The following MBTPS1 variants were observed in gnomAD, a reference collection of about 807,000 sequenced individuals.
The protein encoded by MBTPS1 is membrane-bound transcription factor site-1 protease.
A neutral mutation model predicts 127.8 loss-of-function variants in MBTPS1; 94 were observed. The observed-to-expected ratio is 0.74, with a 90% CI of 0.62 to 0.87. MBTPS1 has a LOEUF of 0.87. Among genes scored for constraint, MBTPS1 ranks in the 40% least tolerant of loss-of-function variants. The probability of loss-of-function intolerance (pLI) is 0.00; values close to 1 mark genes in which losing one functional copy is unlikely to be tolerated. For missense variants in MBTPS1, 1,636 were observed against 1,353.2 expected (o/e 1.21, Z -3.28); for synonymous variants, 632 against 509.4 (o/e 1.24, Z -3.24).
chr16:84,073,060 T>C (rs181360783), intron 12 of MBTPS1, among the ~76,000 whole-genome samples: 11 of 152,300 alleles, frequency 7.2e-5, no homozygotes, highest in Admixed American at 7.2e-4. Flanking sequence ...CAAAGGAAAA[T>C]AGCAAACAAA....
At chr16:84,068,652 AG>A (rs752085542) in intron 14 of MBTPS1, among the ~76,000 whole-genome samples, 198 bp from the exon 15 acceptor site, 3 of 152,244 alleles carry the variant, frequency 2.0e-5, no homozygotes, top group Non-Finnish European at 2.9e-5. Context: ...GCTGATAAGA[AG>A]AAACCATGTG....
intron 11 of MBTPS1, among the ~76,000 whole-genome samples, chr16:84,078,763 TG>T (rs1198622267): frequency 6.6e-6 from 1 of 151,990 alleles, no homozygotes; most frequent in East Asian, 1.9e-4. Flanking sequence ...GGACGTTAAG[TG>T]AAAAAAGCAG....
chr16:84,070,137 A>G, intron 13 of MBTPS1, 99 bp from the exon 14 acceptor site: 1 of 1,017,016 alleles, frequency 9.8e-7, no homozygotes. Context: ...AACCTAAATA[A>G]TTTGAACACA....
intron 3 of MBTPS1, 132 bp downstream of exon 3, chr16:84,098,921 G>C: frequency 2.1e-6 from 2 of 943,662 alleles, no homozygotes; most frequent in Non-Finnish European, 3.2e-6. Context: ...ATTCCTACCA[G>C]GAAAATGTTC....
chr16:84,095,848 G>T (rs777845417), intron 3 of MBTPS1, 43 bp from the exon 4 acceptor site: 4 of 1,524,914 alleles, frequency 2.6e-6, no homozygotes, highest in Admixed American at 3.4e-5. Flanking sequence ...AGAGCAAAAC[G>T]AACTACACGA....
Position 84,101,921 on chromosome 16 carries a change from T to A in MBTPS1, c.-138A>T. On this transcript the variant is annotated 5_prime_UTR_variant, in exon 2 of 23. Transcript: ENST00000343411. ...ATCTTACAGTCTTGCCCAACATAAA[T>A]AAAAGTTAAATCCCATGGCCTTTTG... is the stretch of plus-strand genomic sequence containing the variant. The A allele has an allele frequency of 1.3e-6, 1 of 760,174 alleles. No individual in the cohort carries two copies. Among genetic ancestry groups the A allele is most frequent in the Non-Finnish European group, 2.1e-6 (1 of 465,216 alleles). 47.1% of individuals were successfully genotyped at this position (760,174 alleles called of 1,614,324 possible).
chr16:84,059,726 C>T, intron 20 of MBTPS1: 1 of 201,684 alleles, frequency 5.0e-6, no homozygotes, highest in Non-Finnish European at 1.0e-5. Context: ...CTGACACACG[C>T]AAGGCTACAC....
chr16:84,110,583 G>A (rs188556355), intron 1 of MBTPS1: 5 of 152,284 alleles, frequency 3.3e-5, no homozygotes, highest in African/African-American at 1.2e-4. Flanking sequence ...AACACTCACT[G>A]AGCATTTATG....
chr16:84,095,169 AAACT>A (rs761802657), intron 4 of MBTPS1, among the ~76,000 whole-genome samples: 159 of 152,348 alleles, frequency 1.0e-3, no homozygotes, highest in Non-Finnish European at 1.9e-3. Flanking sequence ...CTCAAGTGAT[AAACT>A]AATTTCCGTG....
chr16:84,055,880 G>A (rs2085514068), intron 22 of MBTPS1, 125 bp downstream of exon 22: 1 of 1,070,296 alleles, frequency 9.3e-7, no homozygotes, highest in South Asian at 1.7e-5. Context: ...AAGAGCCAAG[G>A]CCACCACAGC....
chr16:84,074,814 C>A, intron 11 of MBTPS1, 73 bp from the exon 12 acceptor site: 1 of 1,391,742 alleles, frequency 7.2e-7, no homozygotes, highest in Non-Finnish European at 9.9e-7. Context: ...CTGTACAAGA[C>A]AGAGTTAACA....
At position 84,070,597 on chromosome 16, in the gene MBTPS1, T is replaced by C. The variant is rs951056621; in HGVS notation, c.1773A>G (p.Ala591=). 6.2e-7 allele frequency: 1 copy of C among 1,612,100 alleles called. No individual in the cohort carries two copies. The highest frequency in any genetic ancestry group is 8.5e-7 in the Non-Finnish European group (1 of 1,179,708). ...TCCCGCATATCCCTACCTCTGTCTC[T>C]GCTGGGGAAGCCACAGTGATCATGA... ...GHVMITVASP[A]ETESKNGAEQ... The change falls in exon 13 of 23, where the codon GCA becomes GCG. Residue 591 remains alanine (A), a synonymous_variant. Coordinates refer to ENST00000343411, the MANE Select transcript of MBTPS1 (RefSeq NM_003791.4).
chr16:84,102,347 G>A (rs1223471626), intron 1 of MBTPS1, among the ~76,000 whole-genome samples: 5 of 151,582 alleles, frequency 3.3e-5, no homozygotes, highest in African/African-American at 9.7e-5. Flanking sequence ...TAAATAAGAG[G>A]GTAAAAGAGA....
intron 2 of MBTPS1, among the ~76,000 whole-genome samples, chr16:84,100,999 C>CAAAAAAAAAAA (rs562200642): frequency 4.5e-4 from 31 of 68,352 alleles, no homozygotes; most frequent in Non-Finnish European, 5.1e-4. Flanking sequence ...ACTAAAAATA[C>CAAAAAAAAAAA]AAAAAAAAAA....
chr16:84,075,528 T>C (rs1459278670), intron 11 of MBTPS1: 1 of 138,526 alleles, frequency 7.2e-6, no homozygotes, highest in Non-Finnish European at 1.5e-5. Context: ...TGACCCACGA[T>C]GGCCTCCCTG....
intron 18 of MBTPS1, among the ~76,000 whole-genome samples, chr16:84,064,369 T>C (rs1045014296): frequency 1.3e-5 from 2 of 152,174 alleles, no homozygotes; most frequent in Non-Finnish European, 2.9e-5. Flanking sequence ...ATTTGCCTTG[T>C]GGTATTTGAT....
intron 11 of MBTPS1, among the ~76,000 whole-genome samples, chr16:84,080,133 G>A (rs982420324): frequency 6.6e-6 from 1 of 152,022 alleles, no homozygotes; most frequent in African/African-American, 2.4e-5. Context: ...CAGCCAACTC[G>A]GGGACAATTT....
In MBTPS1 at chr16:84,063,188, G is replaced by C. The variant is rs916412519; in HGVS notation, c.2572+117C>G. On this transcript the variant is annotated intron_variant, in intron 19 of 22. Coordinates refer to ENST00000343411, the MANE Select transcript of MBTPS1 (RefSeq NM_003791.4). ...GACTGCAACATCTCCAGCTGAGCCT[G>C]GCTCAAGTGAACAGATGTCGGCTGA... 1.1e-5 allele frequency: 12 copies of C among 1,077,970 alleles called. No homozygotes were observed. The Admixed American group carries it at 2.0e-4, about 18-fold the overall frequency. The allele number at this position is 1,077,970 out of a possible 1,614,324, so 66.8% of individuals were successfully genotyped here. A position where few individuals can be genotyped will look rare whatever the true frequency, so the allele number is the denominator to read the frequency against.
intron 1 of MBTPS1, among the ~76,000 whole-genome samples, chr16:84,111,906 A>C (rs1333522480): frequency 6.6e-6 from 1 of 152,134 alleles, no homozygotes; most frequent in Non-Finnish European, 1.5e-5. Flanking sequence ...TGAGCAAAAA[A>C]AAAAAAAAAT....
Sources: gnomAD v4.1 joint callset for allele counts (sites outside exome capture counted in the v4.1 genomes callset) on GRCh38, gnomAD v4.1.1 for gene constraint, MANE v1.5 for transcripts, NCBI Gene and HGNC (gene_info 2026-07-23, HGNC 2026-07-21) for gene names.